The following CMIP variants were observed in gnomAD, a reference collection of about 807,000 sequenced individuals.
CMIP encodes the protein C-Maf-inducing protein.
Under a neutral mutation model 97.3 loss-of-function variants are expected in CMIP, and 13 were observed. That is an observed-to-expected ratio of 0.13 (90% CI 0.09 to 0.21). CMIP has a LOEUF of 0.21. Ranked by LOEUF, CMIP falls within the 10% of genes least tolerant of loss-of-function variation. The pLI, the probability that CMIP is intolerant of heterozygous loss-of-function variation, is 1.00. For synonymous variants in CMIP, 538 were observed against 436.3 expected (o/e 1.23, Z -2.91); for missense variants, 847 against 1,024.9 (o/e 0.83, Z 2.37).
chr16:81,689,053 G>T (rs1266146382), intron 10 of CMIP, among the ~76,000 whole-genome samples: 1 of 152,160 alleles, frequency 6.6e-6, no homozygotes, highest in African/African-American at 2.4e-5. Flanking sequence ...AATCCAGTCT[G>T]TCATTGATGG....
chr16:81,572,454 G>T (rs1002385020), intron 1 of CMIP, among the ~76,000 whole-genome samples: 2 of 152,214 alleles, frequency 1.3e-5, no homozygotes, highest in Non-Finnish European at 2.9e-5. Flanking sequence ...TTCCTAAGCG[G>T]TACTTCTCTG....
At chr16:81,676,741 C>T (rs560200293) in intron 9 of CMIP, among the ~76,000 whole-genome samples, 1 of 152,224 alleles carries the variant, frequency 6.6e-6, no homozygotes, top group Non-Finnish European at 1.5e-5. Context: ...TACATTCAGA[C>T]CCTTGCTGTG....
intron 3 of CMIP, among the ~76,000 whole-genome samples, chr16:81,628,261 C>A (rs1424704893): frequency 6.6e-6 from 1 of 152,162 alleles, no homozygotes; most frequent in Admixed American, 6.5e-5. Flanking sequence ...CTCCTAGTGT[C>A]CTAGAGATGT....
At chr16:81,661,493 G>GT (rs1200654917) in intron 6 of CMIP, among the ~76,000 whole-genome samples, 1 of 152,202 alleles carries the variant, frequency 6.6e-6, no homozygotes, top group Non-Finnish European at 1.5e-5. Context: ...TTGCTGTGTG[G>GT]TTTTTTTAGT....
chr16:81,691,484 A>C (rs2151079397), intron 10 of CMIP, among the ~76,000 whole-genome samples: 1 of 152,364 alleles, frequency 6.6e-6, no homozygotes, highest in African/African-American at 2.4e-5. Context: ...AGAGGGCATG[A>C]ACAATGATCA....
At position 81,694,837 on chromosome 16, in the gene CMIP, C is replaced by G. The variant is rs945589541; in HGVS notation, c.1530+1350C>G. On this transcript the variant is annotated intron_variant, in intron 13 of 20. Transcript: ENST00000537098. ...TTCCAAAACACCGCAATTCTAAACA[C>G]CGATTTCCCTAAGTGTTCCTCAGGC... Among the ~76,000 whole-genome samples the G allele has an allele frequency of 2.0e-5, 3 of 152,314 alleles. 1 individual carries two copies. In the South Asian group the frequency reaches 6.2e-4, roughly 32 times the overall value.
In CMIP at chr16:81,467,585, A is replaced by AT. The variant is rs200498828; in HGVS notation, c.300+22057dup. Among the ~76,000 whole-genome samples the AT allele has an allele frequency of 4.4e-3, 600 of 137,170 alleles. 2 individuals are homozygous for AT. Among genetic ancestry groups the AT allele is most frequent in the East Asian group, 0.012 (55 of 4,778 alleles). 90.0% of individuals were successfully genotyped at this position (137,170 alleles called of 152,430 possible). A position where few individuals can be genotyped will look rare whatever the true frequency, so the allele number is the denominator to read the frequency against. ...CTTTATTTTTTTCTTTTTCTTCTTT[A>AT]TTTTTTTTTTTTTGAGATGGAGTCT... On this transcript the variant is annotated intron_variant, in intron 1 of 20. Coordinates refer to ENST00000537098, the MANE Select transcript of CMIP (RefSeq NM_198390.3).
chr16:81,693,517 G>A (rs373769723), intron 13 of CMIP, 30 bp downstream of exon 13: 11 of 1,601,402 alleles, frequency 6.9e-6, no homozygotes, highest in East Asian at 4.5e-5. Flanking sequence ...ATCTCAGGCC[G>A]GCTGTCTGGG....
intron 2 of CMIP, among the ~76,000 whole-genome samples, chr16:81,615,809 G>T: frequency 6.6e-6 from 1 of 152,038 alleles, no homozygotes; most frequent in East Asian, 1.9e-4. Context: ...TGAGTCCATA[G>T]CTTGTTTTAG....
At position 81,627,036 on chromosome 16, in the gene CMIP, T is replaced by C. The variant is rs1334361156; in HGVS notation, c.477+6110T>C. 6.7e-6 allele frequency among the ~76,000 whole-genome samples: 1 copy of C among 150,160 alleles called. No individual in the cohort carries two copies. The highest frequency in any genetic ancestry group is 2.5e-5 in the African/African-American group (1 of 40,610). On this transcript the variant is annotated intron_variant, in intron 3 of 20. Transcript: ENST00000537098. This position sits in a 1 kb window ranked among gnomAD's most constrained non-coding sequence, Gnocchi z 4.6. ...AGGGTGACTGTTTTATGAGTATGTG[T>C]GCATGGCATGTGAGGTGACTGTTTT...
chr16:81,445,540 C>A lies in CMIP; in HGVS notation c.299C>A (p.Thr100Lys). The A allele has an allele frequency of 6.5e-7, 1 of 1,545,340 alleles. No individual in the cohort carries two copies. The highest frequency in any genetic ancestry group is 8.7e-7 in the Non-Finnish European group (1 of 1,146,258). Residue 100 changes from threonine (T) to lysine (K), a missense_variant and splice_region_variant, in exon 1 of 21, where the codon ACG becomes AAG. Transcript: ENST00000537098. ...GCCGACAACAGCCTGGCGTCCGCCACGGTGAGTGGCTCTGCGCGGCTGCAC... is the reference window on the plus strand; with the variant it reads ...GCCGACAACAGCCTGGCGTCCGCCAAGGTGAGTGGCTCTGCGCGGCTGCAC... ...TLADNSLASA[T>K]PTGYMENSVS...
At chr16:81,497,877 C>A (rs971150164) in intron 1 of CMIP, among the ~76,000 whole-genome samples, 1 of 152,234 alleles carries the variant, frequency 6.6e-6, no homozygotes, top group South Asian at 2.1e-4. Flanking sequence ...CTCCTGGGTC[C>A]CCTGCAGGCC....
chr16:81,675,571 A>G (rs1203464455), intron 9 of CMIP, among the ~76,000 whole-genome samples: 2 of 152,026 alleles, frequency 1.3e-5, no homozygotes, highest in East Asian at 3.8e-4. Flanking sequence ...AATCACCTGG[A>G]CTGCTTTAAA....
chr16:81,578,240 C>T (rs1248014758), intron 1 of CMIP, among the ~76,000 whole-genome samples: 7 of 152,218 alleles, frequency 4.6e-5, no homozygotes, highest in Admixed American at 3.9e-4. Context: ...CCTTCATCAC[C>T]ACCATCATCT....
chr16:81,474,242 G>A (rs1907743905), intron 1 of CMIP, among the ~76,000 whole-genome samples: 1 of 152,060 alleles, frequency 6.6e-6, no homozygotes, highest in Admixed American at 6.5e-5. Flanking sequence ...GTGACTGTGG[G>A]AGTCCAGCTG....
chr16:81,577,132 C>G (rs111631610), intron 1 of CMIP, among the ~76,000 whole-genome samples: 2,137 of 143,560 alleles, frequency 0.015, 215 homozygotes, highest in African/African-American at 0.055. Flanking sequence ...ATAACTATCA[C>G]CTTCATCACC....
At chr16:81,633,274 C>T (rs1054273476) in intron 3 of CMIP, among the ~76,000 whole-genome samples, 8 of 152,334 alleles carry the variant, frequency 5.3e-5, no homozygotes, top group African/African-American at 1.7e-4. Flanking sequence ...GGCCCCTGAG[C>T]TGGGTTGCTG....
At position 81,664,311 on chromosome 16, in the gene CMIP, T is replaced by C; in HGVS notation, c.787T>C (p.Phe263Leu). 1 of 1,601,962 alleles carries C rather than the reference T, an allele frequency of 6.2e-7. No homozygotes were observed. Among genetic ancestry groups the C allele is most frequent in the South Asian group, 1.1e-5 (1 of 88,278 alleles). ...RPRSMVVIEV[F>L]TPVVQRILKH... ...CCGGTCCATGGTGGTCATCGAGGTGTTCACCCCCGTGGTGCAGCGAATCCT... is the reference window on the plus strand; with the variant it reads ...CCGGTCCATGGTGGTCATCGAGGTGCTCACCCCCGTGGTGCAGCGAATCCT... The change falls in exon 7 of 21, where the codon TTC (phenylalanine) becomes CTC (leucine). Residue 263 changes from phenylalanine (F) to leucine (L), a missense_variant. By Grantham distance (22) the Phe-to-Leu change is conservative. Transcript: ENST00000537098.
intron 10 of CMIP, among the ~76,000 whole-genome samples, chr16:81,685,731 CTTT>C: frequency 7.2e-6 from 1 of 138,432 alleles, no homozygotes; most frequent in Admixed American, 7.1e-5. Context: ...TTTTTTTTAA[CTTT>C]TTTTTTCTTT....
Sources: allele counts gnomAD v4.1 joint callset (sites outside exome capture counted in the v4.1 genomes callset), GRCh38; gene constraint gnomAD v4.1.1; non-coding constraint Gnocchi (gnomAD v3.1); transcripts MANE v1.5; gene names NCBI Gene and HGNC (gene_info 2026-07-23, HGNC 2026-07-21).